CC2D1A: variants seen among roughly 807,000 people sequenced by gnomAD.
The protein encoded by CC2D1A is coiled-coil and C2 domain containing 1A, also known as coiled-coil and C2 domain-containing protein 1A.
Under a neutral mutation model 123.8 loss-of-function variants are expected in CC2D1A, and 68 were observed. That is an observed-to-expected ratio of 0.55 (90% CI 0.45 to 0.67). The LOEUF (loss-of-function observed/expected upper bound fraction) is 0.67, where lower values mean the gene tolerates loss of function less well. Among genes scored for constraint, CC2D1A ranks in the 30% least tolerant of loss-of-function variants. The pLI, the probability that CC2D1A is intolerant of heterozygous loss-of-function variation, is 0.00. For missense variants in CC2D1A, 1,185 were observed against 1,290.3 expected (o/e 0.92, Z 1.25); for synonymous variants, 477 against 528.0 (o/e 0.90, Z 1.32).
chr19:13,910,794 C>T (rs1409516008), intron 2 of CC2D1A, among the ~76,000 whole-genome samples: 1 of 152,134 alleles, frequency 6.6e-6, no homozygotes, highest in African/African-American at 2.4e-5. Context: ...ACCTGTAATC[C>T]CAGCTACTTG....
Position 13,910,031 on chromosome 19 carries a change from C to G in CC2D1A, c.196+73C>G, listed in dbSNP as rs149056637. 2,683 of 1,392,546 alleles carry G rather than the reference C, an allele frequency of 1.9e-3. 12 individuals carry two copies. Among genetic ancestry groups the G allele is most frequent in the Middle Eastern group, 0.013 (67 of 5,214 alleles). 86.3% of individuals were successfully genotyped at this position (1,392,546 alleles called of 1,614,324 possible). ...TGGTTCGGGCGCAGAACTGGGGGCA[C>G]TGGGTAGGTAGGGGAAAGAAGACAG... is the stretch of plus-strand genomic sequence containing the variant. On this transcript the variant is annotated intron_variant, in intron 2 of 28. Coordinates refer to ENST00000318003, the MANE Select transcript of CC2D1A (RefSeq NM_017721.5).
Position 13,913,633 on chromosome 19 carries a change from C to T in CC2D1A, c.743C>T (p.Pro248Leu). ...CCAGGCTTGGCTAAGCCCCAGATGC[C>T]CCCAGGTAGGTGATGGGCAGGGCCG... The part of the protein sequence containing the change: ...SSPGLAKPQM[P>L]PGPCSPGPLA... The change falls in exon 6 of 29, where the codon CCC becomes CTC. Residue 248 changes from proline (P) to leucine (L), a missense_variant. Transcript: ENST00000318003. The T allele has an allele frequency of 1.2e-6, 2 of 1,602,590 alleles. No individual in the cohort carries two copies. The highest frequency in any genetic ancestry group is 1.7e-6 in the Non-Finnish European group (2 of 1,172,998).
At chr19:13,918,015 A>G (rs1185022673) in intron 6 of CC2D1A, 55 bp from the exon 7 acceptor site, 2 of 1,584,274 alleles carry the variant, frequency 1.3e-6, no homozygotes, top group Non-Finnish European at 8.6e-7. Context: ...AATGGTTTAC[A>G]CGGTGAACTT....
chr19:13,927,602 C>T (rs1971689599), intron 22 of CC2D1A: 1 of 457,620 alleles, frequency 2.2e-6, no homozygotes, highest in Non-Finnish European at 4.0e-6. Flanking sequence ...CATGGTGAAA[C>T]CCTGTTTCTA....
At position 13,918,729 on chromosome 19, in the gene CC2D1A, G is replaced by C; in HGVS notation, c.947-17G>C. The C allele has an allele frequency of 6.2e-7, 1 of 1,607,488 alleles. No homozygotes were observed. The highest frequency in any genetic ancestry group is 8.5e-7 in the Non-Finnish European group (1 of 1,176,520). ...AGCTAACAAGCCCCTCATTGGCCTG[G>C]ACCTCTCTGTCCCCAGACCAGCTGC... On this transcript the variant is annotated splice_polypyrimidine_tract_variant and intron_variant, in intron 8 of 28. Coordinates refer to ENST00000318003, the MANE Select transcript of CC2D1A (RefSeq NM_017721.5).
In CC2D1A at chr19:13,923,598, AACC is replaced by A; in HGVS notation, c.1820_1822del (p.Thr607del). On this transcript the variant is annotated inframe_deletion, in exon 16 of 29. Transcript: ENST00000318003. The surrounding 1 kb of genome is among the most constrained non-coding windows in gnomAD (Gnocchi z 5.3). Reference sequence around the variant, plus strand: ...TCACCCAGCTGGGCAACATCACTGAAACCACCAAGTAAGTGCCCTGACCTGTGC... The same window carrying A: ...TCACCCAGCTGGGCAACATCACTGAAACCAAGTAAGTGCCCTGACCTGTGC... 6.2e-7 allele frequency: 1 copy of A among 1,614,080 alleles called. No individual in the cohort carries two copies. Among genetic ancestry groups the A allele is most frequent in the Non-Finnish European group, 8.5e-7 (1 of 1,180,014 alleles).
chr19:13,909,999 CT>C, intron 2 of CC2D1A, 41 bp downstream of exon 2: 1 of 1,494,854 alleles, frequency 6.7e-7, no homozygotes, highest in Non-Finnish European at 8.9e-7. Flanking sequence ...TTCTGATCTC[CT>C]GCAAGTGGTT....
intron 24 of CC2D1A, 31 bp from the exon 25 acceptor site, chr19:13,929,348 T>A: frequency 6.2e-7 from 1 of 1,610,274 alleles, no homozygotes; most frequent in South Asian, 1.1e-5. Flanking sequence ...GGGGAATCTC[T>A]GCAGTCCCTT....
At chr19:13,909,801 T>A (rs773270725) in intron 1 of CC2D1A, 22 bp from the exon 2 acceptor site, 39 of 1,601,596 alleles carry the variant, frequency 2.4e-5, no homozygotes, top group Non-Finnish European at 3.3e-5. Context: ...AAGGTCTGAC[T>A]GAACCCTTGC....
intron 1 of CC2D1A, among the ~76,000 whole-genome samples, chr19:13,908,615 G>A (rs370967392): frequency 9.4e-5 from 14 of 149,582 alleles, no homozygotes; most frequent in African/African-American, 3.0e-4. Context: ...TGCAGACACC[G>A]CCAGCACTCC....
At chr19:13,927,122 G>T (rs772709238) in intron 21 of CC2D1A, 45 bp downstream of exon 21, 3 of 1,607,490 alleles carry the variant, frequency 1.9e-6, no homozygotes, top group East Asian at 2.2e-5. Context: ...TCCAGGGGAG[G>T]GGAGCTCCTC....
At position 13,920,914 on chromosome 19, in the gene CC2D1A, A is replaced by G. The variant is rs1399632549; in HGVS notation, c.1633A>G (p.Ile545Val). The change falls in exon 14 of 29, where the codon ATC becomes GTC. Residue 545 changes from isoleucine to valine, a missense_variant. Physicochemically the swap from Ile to Val is conservative, Grantham distance 29. Coordinates refer to ENST00000318003, the MANE Select transcript of CC2D1A (RefSeq NM_017721.5). ...CTCGCGCAATGGGCTGCCTGTGGAC[A>G]TCACCAAGGTGAACCTTCTGGGCTT... ...EASRNGLPVD[I>V]TKVPPAPVNK... 1.9e-6 allele frequency: 3 copies of G among 1,612,156 alleles called. No individual in the cohort carries two copies. Among genetic ancestry groups the G allele is most frequent in the Non-Finnish European group, 2.5e-6 (3 of 1,179,122 alleles).
rs1971482474 is a variant in CC2D1A, at chr19:13,923,497, C to T, written c.1764+42C>T. On this transcript the variant is annotated intron_variant, in intron 15 of 28. Transcript: ENST00000318003. The surrounding 1 kb of genome is among the most constrained non-coding windows in gnomAD (Gnocchi z 5.3). The stretch of plus-strand genomic sequence containing the variant: ...CAGCCCATCCCCCAGGAGCGTGACC[C>T]TCCTTCCCCTCTCTTCCCTTCCCTC... The T allele has an allele frequency of 6.2e-7, 1 of 1,613,978 alleles. No individual in the cohort carries two copies. Among genetic ancestry groups the T allele is most frequent in the African/African-American group, 1.3e-5 (1 of 74,918 alleles).
At position 13,913,158 on chromosome 19, in the gene CC2D1A, C is replaced by T; in HGVS notation, c.379-10C>T. ...GTCACCACCCACACTGTGCCCCTGC[C>T]CTCCCACAGCCGAAGCCTGAGGCCC... On this transcript the variant is annotated splice_polypyrimidine_tract_variant and intron_variant, in intron 4 of 28. Transcript: ENST00000318003. 1 of 1,598,450 alleles carries T rather than the reference C, an allele frequency of 6.3e-7. No homozygotes were observed. The highest frequency in any genetic ancestry group is 1.1e-5 in the South Asian group (1 of 89,222).
chr19:13,918,378 C>T, intron 7 of CC2D1A, 126 bp from the exon 8 acceptor site: 1 of 1,141,416 alleles, frequency 8.8e-7, no homozygotes. Context: ...GAGGATTAAG[C>T]AAGATGGCAC....
chr19:13,911,130 G>T (rs1265310543), intron 2 of CC2D1A, among the ~76,000 whole-genome samples: 1 of 151,720 alleles, frequency 6.6e-6, no homozygotes, highest in Non-Finnish European at 1.5e-5. Flanking sequence ...GGAGGCTGAG[G>T]CAGGAAGATC....
In CC2D1A at chr19:13,922,254, G is replaced by A. The variant is rs747248965; in HGVS notation, c.1642-1079G>A. Among the ~76,000 whole-genome samples, 37 of 152,116 alleles carry A rather than the reference G, an allele frequency of 2.4e-4. 1 individual carries two copies. Among genetic ancestry groups the A allele is most frequent in the South Asian group, 1.0e-3 (5 of 4,810 alleles). On this transcript the variant is annotated intron_variant, in intron 14 of 28. Coordinates refer to ENST00000318003, the MANE Select transcript of CC2D1A (RefSeq NM_017721.5). The stretch of plus-strand genomic sequence containing the variant: ...TGACCTCAGGCAATCCACCTGCCTC[G>A]ACCTCCCAAAGTGCTGGGATTACAG...
At chr19:13,919,108 C>T in intron 10 of CC2D1A, 22 bp from the exon 11 acceptor site, 1 of 1,608,956 alleles carries the variant, frequency 6.2e-7, no homozygotes, top group East Asian at 2.2e-5. Context: ...ACAGGCAGCC[C>T]TAACACCTGT....
intron 14 of CC2D1A, among the ~76,000 whole-genome samples, chr19:13,922,955 G>C (rs1375528039): frequency 6.6e-6 from 1 of 152,204 alleles, no homozygotes; most frequent in Non-Finnish European, 1.5e-5. Context: ...CAATTAAGGA[G>C]GCCAAGGCCA....
Sources: gnomAD v4.1 joint callset for allele counts (sites outside exome capture counted in the v4.1 genomes callset) on GRCh38, gnomAD v4.1.1 for gene constraint, Gnocchi (gnomAD v3.1) non-coding constraint, MANE v1.5 for transcripts, NCBI Gene and HGNC (gene_info 2026-07-23, HGNC 2026-07-21) for gene names.